ERICH6B: variants seen among roughly 807,000 people sequenced by gnomAD.
ERICH6B encodes the protein glutamate-rich protein 6B.
In ERICH6B, 69 loss-of-function variants were observed where a neutral mutation model predicts 80.0. The ratio of observed to expected loss-of-function variants is 0.86; its 90% CI spans 0.71 to 1.05. ERICH6B has a LOEUF of 1.05. Among genes scored for constraint, ERICH6B ranks in the 50% least tolerant of loss-of-function variants. ERICH6B has a pLI of 0.00. For missense variants in ERICH6B, 754 were observed against 796.1 expected (o/e 0.95, Z 0.64); for synonymous variants, 283 against 291.9 (o/e 0.97, Z 0.31).
At chr13:45,595,127 G>C (rs753343563) in intron 3 of ERICH6B, among the ~76,000 whole-genome samples, 68 of 152,272 alleles carry the variant, frequency 4.5e-4, no homozygotes, top group Non-Finnish European at 7.4e-4. Flanking sequence ...GGGCCGAATG[G>C]GTATCCTGAG....
At position 45,596,832 on chromosome 13, in the gene ERICH6B, G is replaced by T. The variant is rs1202631429; in HGVS notation, c.174C>A (p.Asp58Glu). The T allele has an allele frequency of 6.4e-7, 1 of 1,551,652 alleles. No homozygotes were observed. The highest frequency in any genetic ancestry group is 1.2e-5 in the South Asian group (1 of 84,058). ...PFSPEGESLEDKEYLEEEEDL... is the reference protein window; with the variant it reads ...PFSPEGESLEEKEYLEEEEDL... ...CCTCTTCCTCCTCCAGATACTCTTT[G>T]TCCTCCAGAGACTCTCCCTCTGGAG... is the stretch of plus-strand genomic sequence containing the variant. The change falls in exon 3 of 15, where the codon GAC becomes GAA. Residue 58 changes from aspartate to glutamate, a missense_variant. Coordinates refer to ENST00000298738, the MANE Select transcript of ERICH6B (RefSeq NM_182542.3).
chr13:45,583,832 G>GTCCATTAAA lies in ERICH6B; in HGVS notation c.857-3176_857-3168dup, dbSNP rs574188666. Among the ~76,000 whole-genome samples, 47 of 152,296 alleles carry GTCCATTAAA rather than the reference G, an allele frequency of 3.1e-4. No homozygotes were observed. In the East Asian group the frequency reaches 7.7e-3, roughly 25 times the overall value. Reference sequence around the variant, plus strand: ...CCTCCCCAGCCACGTGGAACTGTGAGTCCATTAAACATCTTTTTCTTTATA... The same window carrying GTCCATTAAA: ...CCTCCCCAGCCACGTGGAACTGTGAGTCCATTAAATCCATTAAACATCTTTTTCTTTATA... On this transcript the variant is annotated intron_variant, in intron 5 of 14. Transcript: ENST00000298738.
intron 9 of ERICH6B, among the ~76,000 whole-genome samples, chr13:45,565,445 T>C (rs58053991): frequency 0.12 from 18,013 of 152,220 alleles, 3,129 homozygotes; most frequent in African/African-American, 0.38. Context: ...AGAGCATGCC[T>C]GCACCACAGG....
intron 4 of ERICH6B, 26 bp from the exon 5 acceptor site, chr13:45,587,258 C>A: frequency 1.9e-6 from 3 of 1,549,724 alleles, no homozygotes; most frequent in Non-Finnish European, 1.7e-6. Context: ...ACAGGAAGGT[C>A]AACTTCCAGA....
chr13:45,587,770 G>A (rs929750373), intron 4 of ERICH6B, among the ~76,000 whole-genome samples: 1 of 152,186 alleles, frequency 6.6e-6, no homozygotes, highest in African/African-American at 2.4e-5. Context: ...AGGATCAAGA[G>A]GGATGACCCT....
chr13:45,585,792 T>A (rs1258883961), intron 5 of ERICH6B, among the ~76,000 whole-genome samples: 3 of 152,222 alleles, frequency 2.0e-5, no homozygotes, highest in Non-Finnish European at 4.4e-5. Flanking sequence ...ACATGGTGAT[T>A]ACAACCTCAA....
rs139380805 is a variant in ERICH6B, at chr13:45,567,168, G to A, written c.1187+1147C>T. 2.9e-3 allele frequency among the ~76,000 whole-genome samples: 438 copies of A among 152,268 alleles called. 9 individuals are homozygous for A. The highest frequency in any genetic ancestry group is 0.024 in the Admixed American group (369 of 15,304). On this transcript the variant is annotated intron_variant, in intron 9 of 14. Coordinates refer to ENST00000298738, the MANE Select transcript of ERICH6B (RefSeq NM_182542.3). ...AGCTGTATTCATCCAATGCCTGTAC[G>A]CCCACTGTATCTAGGAAGTAACTAA... is the stretch of plus-strand genomic sequence containing the variant.
intron 2 of ERICH6B, among the ~76,000 whole-genome samples, chr13:45,604,269 A>G (rs1223464714): frequency 6.6e-6 from 1 of 152,256 alleles, no homozygotes; most frequent in African/African-American, 2.4e-5. Flanking sequence ...TGGCTCATCC[A>G]AATAATTTTT....
chr13:45,565,479 T>C (rs1185592088), intron 9 of ERICH6B, among the ~76,000 whole-genome samples: 1 of 152,222 alleles, frequency 6.6e-6, no homozygotes, highest in Non-Finnish European at 1.5e-5. Flanking sequence ...TGATATAGTT[T>C]GACTGTCTTG....
At chr13:45,552,049 A>G (rs535601879) in intron 11 of ERICH6B, among the ~76,000 whole-genome samples, 2 of 152,240 alleles carry the variant, frequency 1.3e-5, no homozygotes, top group South Asian at 4.1e-4. Context: ...TTTGCCTTTC[A>G]TTTTACTCCA....
chr13:45,563,024 C>T (rs974161303), intron 10 of ERICH6B, among the ~76,000 whole-genome samples: 2 of 152,154 alleles, frequency 1.3e-5, no homozygotes, highest in Admixed American at 6.5e-5. Flanking sequence ...GAAGATACTT[C>T]GTGTTGTAGT....
At chr13:45,574,748 C>T in intron 8 of ERICH6B, 94 bp downstream of exon 8, 2 of 963,228 alleles carry the variant, frequency 2.1e-6, no homozygotes, top group Non-Finnish European at 3.2e-6. Context: ...GTCCTCAGAA[C>T]CCAAGACCTC....
chr13:45,561,773 T>C (rs1272404399), intron 10 of ERICH6B, among the ~76,000 whole-genome samples: 2 of 152,112 alleles, frequency 1.3e-5, no homozygotes, highest in Admixed American at 1.3e-4. Flanking sequence ...ATCAAGTGCC[T>C]AGTGCGTGTC....
intron 2 of ERICH6B, among the ~76,000 whole-genome samples, chr13:45,603,419 C>A (rs577208747): frequency 6.6e-6 from 1 of 152,332 alleles, no homozygotes; most frequent in Admixed American, 6.5e-5. Flanking sequence ...GTGGGGCGGA[C>A]CCCTCACTTC....
intron 9 of ERICH6B, among the ~76,000 whole-genome samples, chr13:45,567,939 T>A (rs1015774613): frequency 2.6e-5 from 4 of 152,246 alleles, no homozygotes; most frequent in African/African-American, 9.6e-5. Flanking sequence ...TTCCCCAGTG[T>A]CTTCTCCTTA....
intron 14 of ERICH6B, among the ~76,000 whole-genome samples, chr13:45,541,968 C>CCT (rs1873797638): frequency 6.6e-6 from 1 of 152,190 alleles, no homozygotes; most frequent in South Asian, 2.1e-4. Context: ...CGCGGCCTGC[C>CCT]CTCCAAAGGC....
chr13:45,590,564 C>T, intron 4 of ERICH6B, 85 bp downstream of exon 4: 1 of 1,328,394 alleles, frequency 7.5e-7, no homozygotes. Flanking sequence ...CATGCCACTC[C>T]CTGTCCTGTG....
chr13:45,551,184 A>G (rs1874208938), intron 11 of ERICH6B, among the ~76,000 whole-genome samples: 1 of 152,090 alleles, frequency 6.6e-6, no homozygotes, highest in Non-Finnish European at 1.5e-5. Flanking sequence ...TATTATTTAT[A>G]CCTTCTGAAT....
Position 45,580,599 on chromosome 13 carries a change from T to G in ERICH6B, c.919+4A>C. 2 of 1,551,586 alleles carry G rather than the reference T, an allele frequency of 1.3e-6. No individual in the cohort carries two copies. The highest frequency in any genetic ancestry group is 1.7e-6 in the Non-Finnish European group (2 of 1,146,908). ...AGATCATTTAAAATCATCATAAACT[T>G]TACCTTCCGGAGCCAGCTTCGTGGT... On this transcript the variant is annotated splice_donor_region_variant and intron_variant, in intron 6 of 14. Coordinates refer to ENST00000298738, the MANE Select transcript of ERICH6B (RefSeq NM_182542.3).
Sources: gnomAD v4.1 joint callset for allele counts (sites outside exome capture counted in the v4.1 genomes callset) on GRCh38, gnomAD v4.1.1 for gene constraint, MANE v1.5 for transcripts, NCBI Gene and HGNC (gene_info 2026-07-23, HGNC 2026-07-21) for gene names.